MAN1A2: variants seen among roughly 807,000 people sequenced by gnomAD.
The protein encoded by MAN1A2 is mannosyl-oligosaccharide 1,2-alpha-mannosidase IB.
In MAN1A2, 26 loss-of-function variants were observed where a neutral mutation model predicts 75.7. The ratio of observed to expected loss-of-function variants is 0.34; its 90% CI spans 0.25 to 0.48. The LOEUF (loss-of-function observed/expected upper bound fraction) is 0.48. Among genes scored for constraint, MAN1A2 ranks in the 20% least tolerant of loss-of-function variants. MAN1A2 has a pLI of 0.99. For missense variants in MAN1A2, 562 were observed against 775.5 expected, an observed-to-expected ratio of 0.72 and a Z score of 3.27; for synonymous variants, 247 against 264.6, an observed-to-expected ratio of 0.93 and a Z score of 0.65.
At chr1:117,480,660 A>G (rs1432576193) in intron 8 of MAN1A2, among the ~76,000 whole-genome samples, 1 of 151,828 alleles carries the variant, frequency 6.6e-6, no homozygotes, top group Non-Finnish European at 1.5e-5. Context: ...GCATATATGT[A>G]TATTTCCATC....
chr1:117,428,430 T>C (rs1557945782), intron 5 of MAN1A2, among the ~76,000 whole-genome samples: 2 of 150,432 alleles, frequency 1.3e-5, no homozygotes, highest in Admixed American at 6.6e-5. Flanking sequence ...AATATTTAAA[T>C]AAAAAAAACA....
At position 117,387,216 on chromosome 1, in the gene MAN1A2, T is replaced by TAAAA. The variant is rs565416366; in HGVS notation, c.303-14954_303-14951dup. Among the ~76,000 whole-genome samples the TAAAA allele has an allele frequency of 1.4e-3, 177 of 125,548 alleles. 1 individual carries two copies. The highest frequency in any genetic ancestry group is 2.5e-3 in the Non-Finnish European group (148 of 59,548). 82.4% of individuals were successfully genotyped at this position (125,548 alleles called of 152,430 possible). On this transcript the variant is annotated intron_variant, in intron 1 of 12. Coordinates refer to ENST00000356554, the MANE Select transcript of MAN1A2 (RefSeq NM_006699.5). ...TTCACATCTATTAGGATGGCTGTTG[T>TAAAA]AAAAAAAAAAAAAAAAAAACAAAGT... is the stretch of plus-strand genomic sequence containing the variant.
At chr1:117,425,100 G>A (rs1027727262) in intron 5 of MAN1A2, among the ~76,000 whole-genome samples, 6 of 148,632 alleles carry the variant, frequency 4.0e-5, no homozygotes, top group Non-Finnish European at 8.9e-5. Flanking sequence ...AAGAAAAGGA[G>A]GGGGAAGGGA....
Position 117,367,799 on chromosome 1 carries a change from C to G in MAN1A2, c.-385C>G, listed in dbSNP as rs1227430848. Reference sequence around the variant, plus strand: ...CTACAACTCCTCGGATGTCGCCAGTCTCCCTTTCGGGGCGGAAGACTACGT... The same window carrying G: ...CTACAACTCCTCGGATGTCGCCAGTGTCCCTTTCGGGGCGGAAGACTACGT... On this transcript the variant is annotated 5_prime_UTR_variant, in exon 1 of 13. Coordinates refer to ENST00000356554, the MANE Select transcript of MAN1A2 (RefSeq NM_006699.5). 1 of 179,898 alleles carries G rather than the reference C, an allele frequency of 5.6e-6. No homozygotes were observed. The highest frequency in any genetic ancestry group is 2.4e-5 in the African/African-American group (1 of 42,214). 11.1% of individuals were successfully genotyped at this position (179,898 alleles called of 1,614,324 possible).
At chr1:117,483,383 C>A (rs568799424) in intron 8 of MAN1A2, among the ~76,000 whole-genome samples, 1 of 152,134 alleles carries the variant, frequency 6.6e-6, no homozygotes, top group South Asian at 2.1e-4. Flanking sequence ...ATGGAATATT[C>A]TTCCATTTGT....
chr1:117,422,522 T>C (rs561730898), intron 5 of MAN1A2, among the ~76,000 whole-genome samples: 1 of 152,244 alleles, frequency 6.6e-6, no homozygotes, highest in South Asian at 2.1e-4. Context: ...TATATTTAAC[T>C]TTGGAAGAAA....
intron 3 of MAN1A2, among the ~76,000 whole-genome samples, chr1:117,405,865 A>T (rs1647598060): frequency 6.6e-6 from 1 of 152,112 alleles, no homozygotes; most frequent in African/African-American, 2.4e-5. Flanking sequence ...TGGATGCTTT[A>T]GTCATTTATC....
intron 5 of MAN1A2, among the ~76,000 whole-genome samples, chr1:117,431,783 C>T (rs1167452876): frequency 6.6e-6 from 1 of 152,142 alleles, no homozygotes; most frequent in Non-Finnish European, 1.5e-5. Flanking sequence ...ATCCTCATCT[C>T]TACAACAAAT....
At chr1:117,468,620 C>T (rs1164983790) in intron 8 of MAN1A2, among the ~76,000 whole-genome samples, 3 of 152,022 alleles carry the variant, frequency 2.0e-5, no homozygotes, top group Non-Finnish European at 2.9e-5. Context: ...ATTTAATTAA[C>T]TTACATTTAA....
At chr1:117,425,739 A>G (rs1291899558) in intron 5 of MAN1A2, among the ~76,000 whole-genome samples, 1 of 152,166 alleles carries the variant, frequency 6.6e-6, no homozygotes, top group Non-Finnish European at 1.5e-5. Context: ...TATAGCTAAC[A>G]ATATTCTTTT....
intron 1 of MAN1A2, among the ~76,000 whole-genome samples, chr1:117,391,677 A>G (rs1440084566): frequency 6.6e-6 from 1 of 152,214 alleles, no homozygotes; most frequent in Admixed American, 6.5e-5. Context: ...TGTACATAGG[A>G]TGATGATTTC....
chr1:117,436,161 G>T (rs1463613462), intron 5 of MAN1A2, among the ~76,000 whole-genome samples: 1 of 152,170 alleles, frequency 6.6e-6, no homozygotes, highest in East Asian at 1.9e-4. Flanking sequence ...GATTAATTAG[G>T]TATAAAGTTG....
In MAN1A2 at chr1:117,474,852, T is replaced by G. The variant is rs1220518441; in HGVS notation, c.1168+8425T>G. On this transcript the variant is annotated intron_variant, in intron 8 of 12. Coordinates refer to ENST00000356554, the MANE Select transcript of MAN1A2 (RefSeq NM_006699.5). Reference sequence around the variant, plus strand: ...CCCTTACATGTTCCTTCTCTCAACCTCCTCCCTTCCCCCTCCCCCAAAACA... The same window carrying G: ...CCCTTACATGTTCCTTCTCTCAACCGCCTCCCTTCCCCCTCCCCCAAAACA... 3.3e-5 allele frequency among the ~76,000 whole-genome samples: 5 copies of G among 151,938 alleles called. No individual in the cohort carries two copies. In the East Asian group the frequency reaches 7.8e-4, roughly 24 times the overall value.
intron 5 of MAN1A2, among the ~76,000 whole-genome samples, chr1:117,424,936 T>C (rs1648315838): frequency 6.6e-6 from 1 of 152,134 alleles, no homozygotes; most frequent in Non-Finnish European, 1.5e-5. Context: ...AACACTGAAA[T>C]GTGGTAGGTA....
intron 1 of MAN1A2, among the ~76,000 whole-genome samples, chr1:117,399,818 C>A (rs189497457): frequency 4.2e-4 from 64 of 152,228 alleles, no homozygotes; most frequent in African/African-American, 1.5e-3. Flanking sequence ...CTGGCTCTGT[C>A]CATTTGTTAA....
At chr1:117,376,824 TC>T (rs1349041683) in intron 1 of MAN1A2, among the ~76,000 whole-genome samples, 1 of 152,216 alleles carries the variant, frequency 6.6e-6, no homozygotes, top group African/African-American at 2.4e-5. Context: ...GACTATTTTT[TC>T]TTGTCATTAT....
intron 5 of MAN1A2, among the ~76,000 whole-genome samples, chr1:117,421,983 G>T (rs1323078985): frequency 2.0e-5 from 3 of 151,960 alleles, no homozygotes; most frequent in Non-Finnish European, 4.4e-5. Flanking sequence ...TGGAAACATT[G>T]GTTCTATATT....
intron 12 of MAN1A2, among the ~76,000 whole-genome samples, chr1:117,510,947 ACAT>A (rs1339735184): frequency 6.6e-6 from 1 of 152,002 alleles, no homozygotes; most frequent in African/African-American, 2.4e-5. Context: ...CATAACACTA[ACAT>A]CATCTGTATT....
At chr1:117,387,578 GGTA>G (rs1255119058) in intron 1 of MAN1A2, among the ~76,000 whole-genome samples, 8 of 152,158 alleles carry the variant, frequency 5.3e-5, no homozygotes, top group African/African-American at 1.9e-4. Context: ...CAATGTAAAA[GGTA>G]GTAGTAAATG....
Sources: gnomAD v4.1 joint callset for allele counts (sites outside exome capture counted in the v4.1 genomes callset) on GRCh38, gnomAD v4.1.1 for gene constraint, MANE v1.5 for transcripts, NCBI Gene and HGNC (gene_info 2026-07-23, HGNC 2026-07-21) for gene names.